Variants in PIGB observed in about 807,000 individuals in gnomAD.
PIGB encodes phosphatidylinositol glycan anchor biosynthesis class B.
In PIGB, 58 loss-of-function variants were observed where a neutral mutation model predicts 68.4. The observed-to-expected ratio is 0.85, with a 90% CI of 0.69 to 1.06. PIGB has a LOEUF of 1.06. Among genes scored for constraint, PIGB ranks in the 50% least tolerant of loss-of-function variants. The pLI is 0.00. For missense variants in PIGB, 634 were observed against 655.8 expected, an observed-to-expected ratio of 0.97 and a Z score of 0.36; for synonymous variants, 219 against 220.5, an observed-to-expected ratio of 0.99 and a Z score of 0.06.
chr15:55,329,780 A>G lies in PIGB; in HGVS notation c.579A>G (p.Thr193=). The part of the protein sequence containing the change: ...FTWYCCTRTL[T]NTMETVLTII... ...GGTATTGCTGTACCAGAACCCTTACAAACACCATGGAAACTGTTCTCACTA... is the reference window on the plus strand; with the variant it reads ...GGTATTGCTGTACCAGAACCCTTACGAACACCATGGAAACTGTTCTCACTA... Residue 193 remains threonine, a synonymous_variant, in exon 5 of 12, where the codon ACA becomes ACG. Transcript: ENST00000164305. The G allele has an allele frequency of 6.2e-7, 1 of 1,610,674 alleles. No homozygotes were observed. The highest frequency in any genetic ancestry group is 2.2e-5 in the East Asian group (1 of 44,816).
At chr15:55,335,522 A>G (rs747399278) in intron 6 of PIGB, among the ~76,000 whole-genome samples, 8 of 152,222 alleles carry the variant, frequency 5.3e-5, no homozygotes, top group Admixed American at 5.2e-4. Flanking sequence ...CAGACAGCTA[A>G]AAAGATAAGA....
At chr15:55,336,996 A>C (rs1035254046) in intron 6 of PIGB, among the ~76,000 whole-genome samples, 32 of 152,358 alleles carry the variant, frequency 2.1e-4, no homozygotes, top group African/African-American at 6.7e-4. Flanking sequence ...TCTCAAAAAT[A>C]AAACCTTACA....
At chr15:55,333,625 G>A (rs956089403) in intron 5 of PIGB, among the ~76,000 whole-genome samples, 20 of 152,120 alleles carry the variant, frequency 1.3e-4, no homozygotes, top group African/African-American at 4.1e-4. Context: ...CCAGCTACTC[G>A]GGATGCTGAG....
Position 55,319,258 on chromosome 15 carries a change from G to A in PIGB, c.8G>A (p.Arg3Lys), listed in dbSNP as rs772860275. 2 of 1,606,042 alleles carry A rather than the reference G, an allele frequency of 1.2e-6. No homozygotes were observed. Among genetic ancestry groups the A allele is most frequent in the African/African-American group, 1.3e-5 (1 of 74,936 alleles). MRRPLSKCGMEPG... is the reference protein window; with the variant it reads MRKPLSKCGMEPG... ...GGAAGGTGGCGGCCAGGGATGAGGA[G>A]GCCCCTAAGCAAGTGCGGAATGGAG... Residue 3 changes from arginine to lysine, a missense_variant, in exon 1 of 12, where the codon AGG (arginine) becomes AAG (lysine). By Grantham distance (26) the Arg-to-Lys change is conservative. Coordinates refer to ENST00000164305, the MANE Select transcript of PIGB (RefSeq NM_004855.5).
At chr15:55,354,464 C>T in intron 10 of PIGB, 1 of 209,402 alleles carries the variant, frequency 4.8e-6, no homozygotes, top group Non-Finnish European at 9.3e-6. Flanking sequence ...GTTAACTTAC[C>T]TGGTCCTGAG....
chr15:55,336,449 G>A (rs1422108069), intron 6 of PIGB, among the ~76,000 whole-genome samples: 5 of 152,074 alleles, frequency 3.3e-5, no homozygotes, highest in African/African-American at 4.8e-5. Context: ...CACATCTAAC[G>A]TACTGAACAT....
chr15:55,343,113 T>C (rs1197569517), intron 9 of PIGB: 1 of 152,158 alleles, frequency 6.6e-6, no homozygotes, highest in African/African-American at 2.4e-5. Context: ...TATAATCTCT[T>C]CAATTTAAGA....
chr15:55,349,039 C>A (rs1029474903), intron 9 of PIGB, among the ~76,000 whole-genome samples: 2 of 149,516 alleles, frequency 1.3e-5, no homozygotes, highest in African/African-American at 2.5e-5. Flanking sequence ...TCTGACACCA[C>A]GCCCGGCTAA....
intron 9 of PIGB, 176 bp from the exon 10 acceptor site, chr15:55,350,523 C>T: frequency 1.7e-6 from 1 of 599,746 alleles, no homozygotes; most frequent in South Asian, 2.1e-5. Context: ...AAAGTCAAGA[C>T]CTAGATGACA....
intron 6 of PIGB, 76 bp from the exon 7 acceptor site, chr15:55,339,191 C>A: frequency 1.0e-6 from 1 of 967,692 alleles, no homozygotes; most frequent in Non-Finnish European, 1.6e-6. Context: ...ATGCAAGGCA[C>A]GTACAAAGCC....
chr15:55,333,399 C>T (rs571732355), intron 5 of PIGB, among the ~76,000 whole-genome samples: 3 of 152,182 alleles, frequency 2.0e-5, no homozygotes, highest in South Asian at 4.1e-4. Context: ...AGTTTGAGAC[C>T]AGCCTGGCCA....
intron 3 of PIGB, chr15:55,324,843 A>G (rs1379942195): frequency 4.1e-6 from 4 of 979,942 alleles, no homozygotes; most frequent in Non-Finnish European, 4.8e-6. Flanking sequence ...AGGTATGTAC[A>G]TGAGTGCCTT....
chr15:55,346,071 CCTCT>C (rs2055787126), intron 9 of PIGB, among the ~76,000 whole-genome samples: 1 of 152,176 alleles, frequency 6.6e-6, no homozygotes, highest in Admixed American at 6.5e-5. Flanking sequence ...ATACTCCCAT[CCTCT>C]CTATTACCGT....
chr15:55,354,621 G>A, intron 10 of PIGB, 177 bp from the exon 11 acceptor site: 1 of 583,678 alleles, frequency 1.7e-6, no homozygotes, highest in Non-Finnish European at 2.9e-6. Flanking sequence ...CATGGTATAA[G>A]AATCATGTTT....
chr15:55,323,206 T>C (rs1377230030), intron 3 of PIGB, among the ~76,000 whole-genome samples: 1 of 152,146 alleles, frequency 6.6e-6, no homozygotes, highest in Non-Finnish European at 1.5e-5. Flanking sequence ...CTAGAAGAGG[T>C]TGGAGAAGTG....
intron 9 of PIGB, chr15:55,349,633 A>G (rs1335424262): frequency 6.6e-6 from 1 of 152,186 alleles, no homozygotes; most frequent in Non-Finnish European, 1.5e-5. Context: ...ACTAGGTGAC[A>G]TGGACATGTG....
chr15:55,338,611 C>T (rs11490399), intron 6 of PIGB, among the ~76,000 whole-genome samples: 47,856 of 151,852 alleles, frequency 0.32, 8,399 homozygotes, highest in East Asian at 0.56. Context: ...CACACTACTG[C>T]ACTCCAGCCT....
chr15:55,322,162 G>A (rs937231399), intron 3 of PIGB, among the ~76,000 whole-genome samples: 3 of 151,790 alleles, frequency 2.0e-5, no homozygotes, highest in Non-Finnish European at 2.9e-5. Context: ...CAACAAAAGC[G>A]AAACTCCTTC....
chr15:55,344,020 T>C (rs1312412995), intron 9 of PIGB, among the ~76,000 whole-genome samples: 2 of 152,232 alleles, frequency 1.3e-5, no homozygotes, highest in Non-Finnish European at 2.9e-5. Context: ...TCCTAACTAC[T>C]TGAAATCTTG....
Sources: gnomAD v4.1 joint callset for allele counts (sites outside exome capture counted in the v4.1 genomes callset) on GRCh38, gnomAD v4.1.1 for gene constraint, MANE v1.5 for transcripts, NCBI Gene and HGNC (gene_info 2026-07-23, HGNC 2026-07-21) for gene names.